EBF2: variants seen among roughly 807,000 people sequenced by gnomAD.
The protein encoded by EBF2 is transcription factor COE2.
Under a neutral mutation model 72.8 loss-of-function variants are expected in EBF2, and 21 were observed. The observed-to-expected ratio is 0.29, with a 90% confidence interval of 0.20 to 0.42. EBF2 has a LOEUF of 0.42. Among genes scored for constraint, EBF2 ranks in the 10% least tolerant of loss-of-function variants. The pLI, the probability that EBF2 is intolerant of heterozygous loss-of-function variation, is 1.00. For synonymous variants in EBF2, 299 were observed against 274.2 expected (o/e 1.09, Z -0.89); for missense variants, 637 against 731.2 (o/e 0.87, Z 1.49).
Position 25,942,929 on chromosome 8 carries a change from T to G in EBF2, c.552-34374A>C, listed in dbSNP as rs912321047. 3.9e-5 allele frequency among the ~76,000 whole-genome samples: 6 copies of G among 152,298 alleles called. No individual in the cohort carries two copies. In the South Asian group the frequency reaches 1.2e-3, roughly 32 times the overall value. ...GGACATGTCACTGATGAGTGCGTGGTGCATGGTCTACCTCAGTGCAGTGGT... is the reference window on the plus strand; with the variant it reads ...GGACATGTCACTGATGAGTGCGTGGGGCATGGTCTACCTCAGTGCAGTGGT... On this transcript the variant is annotated intron_variant, in intron 6 of 15. Transcript: ENST00000520164.
intron 6 of EBF2, among the ~76,000 whole-genome samples, chr8:25,952,329 C>A (rs12549386): frequency 6.6e-6 from 1 of 151,844 alleles, no homozygotes; most frequent in Admixed American, 6.6e-5. Context: ...TAATTATTTA[C>A]ACATTTTTAT....
intron 6 of EBF2, among the ~76,000 whole-genome samples, chr8:25,988,738 C>G (rs989847240): frequency 6.6e-6 from 1 of 152,116 alleles, no homozygotes; most frequent in African/African-American, 2.4e-5. Context: ...TTATCAGATA[C>G]CATCCTCCAG....
intron 6 of EBF2, among the ~76,000 whole-genome samples, chr8:26,017,276 C>A (rs1400212384): frequency 6.6e-6 from 1 of 152,036 alleles, no homozygotes; most frequent in African/African-American, 2.4e-5. Context: ...CCCAAAAGAC[C>A]CCAGAAGTTG....
chr8:26,009,298 A>G (rs1270786608), intron 6 of EBF2, among the ~76,000 whole-genome samples: 3 of 152,200 alleles, frequency 2.0e-5, no homozygotes, highest in African/African-American at 2.4e-5. Flanking sequence ...AAAGCCAAGT[A>G]TAAACGTATT....
At chr8:25,897,325 A>G (rs1489985122) in intron 7 of EBF2, among the ~76,000 whole-genome samples, 1 of 152,132 alleles carries the variant, frequency 6.6e-6, no homozygotes, top group Non-Finnish European at 1.5e-5. Flanking sequence ...AGTTTAAAAA[A>G]TTTCTTTTAA....
At chr8:25,964,161 G>T (rs1383694700) in intron 6 of EBF2, among the ~76,000 whole-genome samples, 4 of 150,826 alleles carry the variant, frequency 2.7e-5, no homozygotes, top group Non-Finnish European at 4.4e-5. Flanking sequence ...AGTGAATTTG[G>T]ATGAACCAAT....
intron 6 of EBF2, among the ~76,000 whole-genome samples, chr8:26,027,646 G>T (rs531083749): frequency 5.2e-3 from 41 of 7,918 alleles, no homozygotes; most frequent in African/African-American, 0.02. Flanking sequence ...TGAAAGCAGA[G>T]ACTCAAACAG....
At chr8:25,929,417 G>T (rs1803443210) in intron 6 of EBF2, among the ~76,000 whole-genome samples, 2 of 152,178 alleles carry the variant, frequency 1.3e-5, no homozygotes, top group Non-Finnish European at 2.9e-5. Flanking sequence ...TGGTGACTTA[G>T]AGCACTTAGT....
chr8:25,927,347 T>C (rs1199438348), intron 6 of EBF2, among the ~76,000 whole-genome samples: 2 of 147,426 alleles, frequency 1.4e-5, no homozygotes, highest in Non-Finnish European at 3.0e-5. Flanking sequence ...ATATCATATA[T>C]ATTTATATAT....
At chr8:26,029,117 A>G (rs1034791025) in intron 6 of EBF2, among the ~76,000 whole-genome samples, 1 of 152,234 alleles carries the variant, frequency 6.6e-6, no homozygotes, top group Non-Finnish European at 1.5e-5. Flanking sequence ...TAAGTCCTTA[A>G]TGGAGGATCC....
rs988149665 is a variant in EBF2, at chr8:25,842,127, G to A, written c.*2482C>T. On this transcript the variant is annotated 3_prime_UTR_variant, in exon 16 of 16. Coordinates refer to ENST00000520164, the MANE Select transcript of EBF2 (RefSeq NM_022659.4). ...CTCTTACAAACACAGGATAGAGTTTGTAGTTACCAATAGAAATACTCATAT... is the reference window on the plus strand; with the variant it reads ...CTCTTACAAACACAGGATAGAGTTTATAGTTACCAATAGAAATACTCATAT... 1 of 152,212 alleles carries A rather than the reference G, an allele frequency of 6.6e-6. No individual in the cohort carries two copies. The highest frequency in any genetic ancestry group is 1.5e-5 in the Non-Finnish European group (1 of 68,034). 9.4% of individuals were successfully genotyped at this position (152,212 alleles called of 1,614,324 possible). A position where few individuals can be genotyped will look rare whatever the true frequency, so the allele number is the denominator to read the frequency against.
At chr8:25,948,279 T>A (rs944676574) in intron 6 of EBF2, among the ~76,000 whole-genome samples, 12 of 152,224 alleles carry the variant, frequency 7.9e-5, no homozygotes, top group African/African-American at 2.9e-4. Flanking sequence ...GCTCTGTGGA[T>A]GAATGAAAAC....
chr8:25,916,684 T>G (rs556030422), intron 6 of EBF2, among the ~76,000 whole-genome samples: 3 of 152,078 alleles, frequency 2.0e-5, no homozygotes, highest in African/African-American at 7.2e-5. Context: ...TCACAGATAG[T>G]AGGGGAGAAA....
At chr8:25,928,597 C>A (rs527492617) in intron 6 of EBF2, among the ~76,000 whole-genome samples, 4 of 152,092 alleles carry the variant, frequency 2.6e-5, no homozygotes, top group East Asian at 3.9e-4. Context: ...TATATTCTAC[C>A]AATACGTGCC....
rs1277565040 is a variant in EBF2, at chr8:25,961,446, C to T, written c.552-52891G>A. Among the ~76,000 whole-genome samples, 3 of 152,148 alleles carry T rather than the reference C, an allele frequency of 2.0e-5. No individual in the cohort carries two copies. In the East Asian group the frequency reaches 5.8e-4, roughly 29 times the overall value. On this transcript the variant is annotated intron_variant, in intron 6 of 15. Transcript: ENST00000520164. ...TGGCGCGATCTTGGCTCACTGCAAC[C>T]TCTGCCTCCCAAGTTCAAGCAATTA...
intron 6 of EBF2, among the ~76,000 whole-genome samples, chr8:25,974,615 T>A (rs1321367638): frequency 5.3e-5 from 8 of 152,218 alleles, no homozygotes; most frequent in African/African-American, 1.9e-4. Flanking sequence ...TTAAGTGATT[T>A]AAAATATATT....
intron 10 of EBF2, 141 bp downstream of exon 10, chr8:25,886,614 C>G: frequency 1.0e-6 from 1 of 998,070 alleles, no homozygotes; most frequent in Non-Finnish European, 1.4e-6. Context: ...CATCACCATT[C>G]AACATCTATC....
At chr8:25,892,673 C>A (rs186627286) in intron 7 of EBF2, among the ~76,000 whole-genome samples, 2 of 152,232 alleles carry the variant, frequency 1.3e-5, no homozygotes, top group African/African-American at 4.8e-5. Flanking sequence ...CACAAATCAT[C>A]TCATATAGTG....
chr8:25,962,664 A>G (rs1804053574), intron 6 of EBF2, among the ~76,000 whole-genome samples: 1 of 152,256 alleles, frequency 6.6e-6, no homozygotes, highest in South Asian at 2.1e-4. Flanking sequence ...AGTCCAAGCG[A>G]AGAATAATGA....
Sources: gnomAD v4.1 joint callset for allele counts (sites outside exome capture counted in the v4.1 genomes callset) on GRCh38, gnomAD v4.1.1 for gene constraint, MANE v1.5 for transcripts, NCBI Gene and HGNC (gene_info 2026-07-23, HGNC 2026-07-21) for gene names.